The following NTNG1 variants were observed in gnomAD, a reference collection of about 807,000 sequenced individuals.
NTNG1 encodes the protein netrin G1, also known as netrin-G1.
A neutral mutation model predicts 54.0 loss-of-function variants in NTNG1; 16 were observed. That is an observed-to-expected ratio of 0.30 (90% CI 0.20 to 0.45). The LOEUF is 0.45. Among genes scored for constraint, NTNG1 ranks in the 20% least tolerant of loss-of-function variants. NTNG1 has a pLI of 1.00. For synonymous variants in NTNG1, 255 were observed against 263.1 expected (o/e 0.97, Z 0.30); for missense variants, 530 against 678.7 (o/e 0.78, Z 2.43).
chr1:107,171,122 C>T (rs1656193123), intron 2 of NTNG1, among the ~76,000 whole-genome samples: 1 of 152,048 alleles, frequency 6.6e-6, no homozygotes, highest in South Asian at 2.1e-4. Flanking sequence ...CAAATCAATA[C>T]CATACTCTGT....
At chr1:107,443,810 A>G (rs1676133209) in intron 7 of NTNG1, among the ~76,000 whole-genome samples, 1 of 152,082 alleles carries the variant, frequency 6.6e-6, no homozygotes, top group Non-Finnish European at 1.5e-5. Flanking sequence ...CAAGTTTTTA[A>G]TTTCCTTAGT....
At chr1:107,151,851 C>T (rs1030822952) in intron 2 of NTNG1, among the ~76,000 whole-genome samples, 1 of 152,026 alleles carries the variant, frequency 6.6e-6, no homozygotes, top group Non-Finnish European at 1.5e-5. Flanking sequence ...ACCTGGATGG[C>T]ATACTTAATA....
Position 107,480,960 on chromosome 1 carries a change from A to T in NTNG1, c.*120A>T. The stretch of plus-strand genomic sequence containing the variant: ...ACACCCCCACTCAGACAGTGTACAA[A>T]CTAAGAAGGCCTAACTGAACTAAGC... On this transcript the variant is annotated 3_prime_UTR_variant, in exon 8 of 8. Coordinates refer to ENST00000370068, the MANE Select transcript of NTNG1 (RefSeq NM_001113226.3). 1.4e-6 allele frequency: 1 copy of T among 725,230 alleles called. No individual in the cohort carries two copies. The highest frequency in any genetic ancestry group is 2.3e-6 in the Non-Finnish European group (1 of 438,536). 44.9% of individuals were successfully genotyped at this position (725,230 alleles called of 1,614,324 possible). A position where few individuals can be genotyped will look rare whatever the true frequency, so the allele number is the denominator to read the frequency against.
intron 2 of NTNG1, among the ~76,000 whole-genome samples, chr1:107,227,029 G>C (rs760472379): frequency 3.3e-5 from 5 of 152,084 alleles, no homozygotes; most frequent in Non-Finnish European, 7.4e-5. Flanking sequence ...TCTCCCATTT[G>C]AGTGCTTTAC....
At chr1:107,334,460 G>T (rs1668462855) in intron 3 of NTNG1, among the ~76,000 whole-genome samples, 1 of 151,682 alleles carries the variant, frequency 6.6e-6, no homozygotes, top group Non-Finnish European at 1.5e-5. Context: ...TGGGGGAAGG[G>T]TGGGCCAAGA....
chr1:107,335,453 C>T (rs1442884229), intron 3 of NTNG1, among the ~76,000 whole-genome samples: 1 of 151,924 alleles, frequency 6.6e-6, no homozygotes, highest in Non-Finnish European at 1.5e-5. Context: ...CAACTATATA[C>T]ATGTATCTGC....
intron 7 of NTNG1, among the ~76,000 whole-genome samples, chr1:107,478,542 T>A (rs1164376592): frequency 2.0e-5 from 3 of 152,198 alleles, no homozygotes; most frequent in African/African-American, 7.2e-5. Context: ...AATAGCTTTT[T>A]TTTTCTAAAG....
At chr1:107,442,131 T>C (rs938185209) in intron 7 of NTNG1, among the ~76,000 whole-genome samples, 7 of 152,156 alleles carry the variant, frequency 4.6e-5, no homozygotes, top group African/African-American at 1.7e-4. Flanking sequence ...TAAAATAGTT[T>C]ACTTGCATTA....
At chr1:107,230,874 T>A (rs1004927090) in intron 2 of NTNG1, among the ~76,000 whole-genome samples, 6 of 152,160 alleles carry the variant, frequency 3.9e-5, no homozygotes, top group Admixed American at 6.5e-5. Flanking sequence ...CTAACGAATT[T>A]CAAAGATGAG....
intron 2 of NTNG1, among the ~76,000 whole-genome samples, chr1:107,218,026 GT>G (rs1660088098): frequency 6.6e-6 from 1 of 152,088 alleles, no homozygotes; most frequent in Non-Finnish European, 1.5e-5. Context: ...GACCTGTCTA[GT>G]GCTGTCAGTG....
chr1:107,283,911 T>C (rs1570582391), intron 2 of NTNG1, among the ~76,000 whole-genome samples: 2 of 152,320 alleles, frequency 1.3e-5, no homozygotes, highest in South Asian at 4.1e-4. Context: ...GGCATATTGC[T>C]ATATCTTTCT....
intron 2 of NTNG1, among the ~76,000 whole-genome samples, chr1:107,221,174 T>A (rs540625885): frequency 7.9e-5 from 12 of 152,304 alleles, no homozygotes; most frequent in African/African-American, 2.6e-4. Context: ...ATTCACCTTT[T>A]TTTTTTACTA....
chr1:107,317,289 C>T (rs904879337), intron 2 of NTNG1, among the ~76,000 whole-genome samples: 2 of 152,144 alleles, frequency 1.3e-5, no homozygotes, highest in South Asian at 2.1e-4. Context: ...TTGTAATTAA[C>T]GTTTTTAAAA....
intron 2 of NTNG1, among the ~76,000 whole-genome samples, chr1:107,159,525 A>T (rs1655259254): frequency 6.6e-6 from 1 of 152,108 alleles, no homozygotes; most frequent in Non-Finnish European, 1.5e-5. Context: ...TCTTATCCTT[A>T]CTCACCAGAG....
At chr1:107,278,225 C>G (rs72699350) in intron 2 of NTNG1, among the ~76,000 whole-genome samples, 6,027 of 152,242 alleles carry the variant, frequency 0.04, 126 homozygotes, top group Non-Finnish European at 0.052. Context: ...GAAGTATTTC[C>G]TAAAGAACTA....
intron 3 of NTNG1, among the ~76,000 whole-genome samples, chr1:107,344,598 TC>T (rs1446443424): frequency 2.6e-5 from 4 of 152,140 alleles, no homozygotes; most frequent in African/African-American, 9.7e-5. Context: ...TTTTTTCAAG[TC>T]TACTTGATGA....
At chr1:107,174,294 G>C (rs1319498393) in intron 2 of NTNG1, among the ~76,000 whole-genome samples, 1 of 152,016 alleles carries the variant, frequency 6.6e-6, no homozygotes, top group Non-Finnish European at 1.5e-5. Context: ...TTGCTCAGGA[G>C]CATATTGTTG....
chr1:107,328,471 C>T (rs1299220553), intron 3 of NTNG1, among the ~76,000 whole-genome samples: 1 of 152,042 alleles, frequency 6.6e-6, no homozygotes, highest in African/African-American at 2.4e-5. Context: ...CCAAAAAGGT[C>T]ATCTAATGCA....
At chr1:107,158,614 T>A (rs1655174744) in intron 2 of NTNG1, among the ~76,000 whole-genome samples, 1 of 152,154 alleles carries the variant, frequency 6.6e-6, no homozygotes, top group Non-Finnish European at 1.5e-5. Context: ...TTTGTTGCTT[T>A]CCTGTTGCTC....
Sources: allele counts gnomAD v4.1 joint callset (sites outside exome capture counted in the v4.1 genomes callset), GRCh38; gene constraint gnomAD v4.1.1; transcripts MANE v1.5; gene names NCBI Gene and HGNC (gene_info 2026-07-23, HGNC 2026-07-21).